ADAMTSL1: variants seen among roughly 807,000 people sequenced by gnomAD.
ADAMTSL1 encodes the protein ADAMTS like 1.
Under a neutral mutation model 201.8 loss-of-function variants are expected in ADAMTSL1, and 126 were observed. That is an observed-to-expected ratio of 0.62 (90% CI 0.54 to 0.72). ADAMTSL1 has a LOEUF of 0.72. ADAMTSL1 is among the 30% of genes least tolerant of loss of function. The pLI is 0.00. For synonymous variants in ADAMTSL1, 1,121 were observed against 903.4 expected (o/e 1.24, Z -4.32); for missense variants, 2,679 against 2,277.8 (o/e 1.18, Z -3.59).
At chr9:18,144,850 C>T (rs934033236) in intron 1 of ADAMTSL1, among the ~76,000 whole-genome samples, 5 of 152,142 alleles carry the variant, frequency 3.3e-5, no homozygotes, top group Non-Finnish European at 5.9e-5. Context: ...GGATAACACT[C>T]TGTTTCTAAA....
intron 1 of ADAMTSL1, among the ~76,000 whole-genome samples, chr9:18,040,174 T>G (rs1316691976): frequency 2.6e-5 from 4 of 152,196 alleles, no homozygotes; most frequent in African/African-American, 9.6e-5. Context: ...GGTGCATGTA[T>G]AGTAAGCAAC....
At chr9:18,180,532 C>CAAAA (rs71333030) in intron 2 of ADAMTSL1, among the ~76,000 whole-genome samples, 2 of 92,118 alleles carry the variant, frequency 2.2e-5, no homozygotes, top group Admixed American at 1.3e-4. Context: ...GACTCCGTGT[C>CAAAA]AAAAAAAAAA....
Position 18,159,523 on chromosome 9 carries a change from TCC to T in ADAMTSL1, c.88-4337_88-4336del, listed in dbSNP as rs543673570. Among the ~76,000 whole-genome samples, 16 of 152,158 alleles carry T rather than the reference TCC, an allele frequency of 1.1e-4. No homozygotes were observed. The East Asian group carries it at 2.9e-3, about 28-fold the overall frequency. On this transcript the variant is annotated intron_variant, in intron 1 of 29. Transcript: ENST00000680146. ...CGTGGAATTTCTATTCATAATCAGC[TCC>T]CATCATAAACATTACAATTTTTATA...
intron 2 of ADAMTSL1, among the ~76,000 whole-genome samples, chr9:18,410,881 C>A (rs1347794732): frequency 6.7e-6 from 1 of 148,178 alleles, no homozygotes; most frequent in Admixed American, 6.7e-5. Flanking sequence ...CTTGCTCTGT[C>A]ACCAGGCTGG....
At chr9:18,776,658 C>T (rs368220680) in intron 18 of ADAMTSL1, 123 bp from the exon 19 acceptor site, 3 of 1,160,120 alleles carry the variant, frequency 2.6e-6, no homozygotes, top group East Asian at 5.4e-5. Context: ...CCGGCACCTT[C>T]GTCTCTCCTT....
intron 20 of ADAMTSL1, among the ~76,000 whole-genome samples, chr9:18,802,129 A>G (rs112197668): frequency 6.6e-6 from 1 of 152,012 alleles, no homozygotes; most frequent in Non-Finnish European, 1.5e-5. Flanking sequence ...ATAAAAATCA[A>G]CACAGGTGTG....
chr9:18,323,886 T>C (rs1834724105), intron 2 of ADAMTSL1, among the ~76,000 whole-genome samples: 1 of 152,168 alleles, frequency 6.6e-6, no homozygotes, highest in Non-Finnish European at 1.5e-5. Context: ...TTCAAATTGT[T>C]AAAGATGCCA....
At position 18,887,762 on chromosome 9, in the gene ADAMTSL1, T is replaced by G. The variant is rs1359949971; in HGVS notation, c.4250-69T>G. 5.0e-6 allele frequency: 7 copies of G among 1,396,714 alleles called. No homozygotes were observed. In the Admixed American group the frequency reaches 1.3e-4, roughly 26 times the overall value. 86.5% of individuals were successfully genotyped at this position (1,396,714 alleles called of 1,614,324 possible). ...ACAATTTCTAGAGCCACACAGACAG[T>G]AAACCAGTGCACCAGCAATGTGTTC... On this transcript the variant is annotated intron_variant, in intron 23 of 28. Coordinates refer to ENST00000380548, the MANE Select transcript of ADAMTSL1 (RefSeq NM_001040272.6).
At chr9:18,175,621 C>T (rs973728376) in intron 2 of ADAMTSL1, among the ~76,000 whole-genome samples, 1 of 152,158 alleles carries the variant, frequency 6.6e-6, no homozygotes, top group Non-Finnish European at 1.5e-5. Flanking sequence ...AGTTCAGTGC[C>T]TTGCTCACAG....
chr9:18,200,694 C>T (rs971852469), intron 2 of ADAMTSL1, among the ~76,000 whole-genome samples: 19 of 151,856 alleles, frequency 1.3e-4, no homozygotes, highest in African/African-American at 4.4e-4. Context: ...TAATAGAGTA[C>T]TGATTCAGAG....
intron 1 of ADAMTSL1, among the ~76,000 whole-genome samples, chr9:17,974,339 A>G (rs1283867955): frequency 6.6e-6 from 1 of 152,086 alleles, no homozygotes; most frequent in Non-Finnish European, 1.5e-5. Context: ...TTGTATATCT[A>G]GAAAACCCAA....
chr9:18,619,830 C>T (rs187219775), intron 4 of ADAMTSL1, among the ~76,000 whole-genome samples: 2 of 152,208 alleles, frequency 1.3e-5, no homozygotes, highest in African/African-American at 2.4e-5. Context: ...AGTGGAAATT[C>T]CTGTGCCCAA....
intron 23 of ADAMTSL1, among the ~76,000 whole-genome samples, chr9:18,869,687 T>C (rs777658623): frequency 2.0e-5 from 3 of 152,240 alleles, no homozygotes; most frequent in Non-Finnish European, 4.4e-5. Flanking sequence ...TCAACCATCA[T>C]TCACATCATT....
chr9:18,721,332 G>A (rs534112161), intron 14 of ADAMTSL1, among the ~76,000 whole-genome samples: 3 of 152,140 alleles, frequency 2.0e-5, no homozygotes, highest in Non-Finnish European at 4.4e-5. Context: ...GCTCACAGAG[G>A]CAACAAGCTT....
In ADAMTSL1 at chr9:18,509,059, C is replaced by T; in HGVS notation, c.191+4103C>T. On this transcript the variant is annotated intron_variant, in intron 2 of 28. Coordinates refer to ENST00000380548, the MANE Select transcript of ADAMTSL1 (RefSeq NM_001040272.6). ...ATTAGCCGGGCGCGGTGGCGGGCGCCTGTAGTCCCAGCTACTCGGGAGGCT... is the reference window on the plus strand; with the variant it reads ...ATTAGCCGGGCGCGGTGGCGGGCGCTTGTAGTCCCAGCTACTCGGGAGGCT... Among the ~76,000 whole-genome samples, 2 of 131,280 alleles carry T rather than the reference C, an allele frequency of 1.5e-5. 1 individual carries two copies. The highest frequency in any genetic ancestry group is 6.7e-3 in the Middle Eastern group (2 of 298). The allele number at this position is 131,280 out of a possible 152,430, so 86.1% of individuals were successfully genotyped here. A position where few individuals can be genotyped will look rare whatever the true frequency, so the allele number is the denominator to read the frequency against.
At chr9:18,076,185 G>C (rs543843834) in intron 1 of ADAMTSL1, among the ~76,000 whole-genome samples, 1 of 152,148 alleles carries the variant, frequency 6.6e-6, no homozygotes, top group South Asian at 2.1e-4. Flanking sequence ...TCTTTTCTTT[G>C]TATGGATAGC....
In ADAMTSL1 at chr9:18,718,208, A is replaced by G. The variant is rs1833085486; in HGVS notation, c.1877-3328A>G. On this transcript the variant is annotated intron_variant, in intron 14 of 28. Coordinates refer to ENST00000380548, the MANE Select transcript of ADAMTSL1 (RefSeq NM_001040272.6). Reference sequence around the variant, plus strand: ...TACCAACAAGAATCATTGGAACATCATCAGTGTCTTTAACTCAAAGAATCT... The same window carrying G: ...TACCAACAAGAATCATTGGAACATCGTCAGTGTCTTTAACTCAAAGAATCT... 19 of 775,154 alleles carry G rather than the reference A, an allele frequency of 2.5e-5. No individual in the cohort carries two copies. The Middle Eastern group carries it at 6.8e-4, about 28-fold the overall frequency. The allele number at this position is 775,154 out of a possible 1,614,324, so 48.0% of individuals were successfully genotyped here. A position where few individuals can be genotyped will look rare whatever the true frequency, so the allele number is the denominator to read the frequency against.
At chr9:18,573,019 C>T (rs35568696) in intron 3 of ADAMTSL1, among the ~76,000 whole-genome samples, 39,504 of 152,068 alleles carry the variant, frequency 0.26, 5,885 homozygotes, top group Admixed American at 0.35. Flanking sequence ...ATCTTACCTG[C>T]TTTTACTGAG....
In ADAMTSL1 at chr9:18,892,673, T is replaced by TATCA; in HGVS notation, c.4851+78_4851+81dup. The TATCA allele has an allele frequency of 5.5e-6, 8 of 1,461,458 alleles. No homozygotes were observed. In the South Asian group the frequency reaches 1.0e-4, roughly 19 times the overall value. 90.5% of individuals were successfully genotyped at this position (1,461,458 alleles called of 1,614,324 possible). A position where few individuals can be genotyped will look rare whatever the true frequency, so the allele number is the denominator to read the frequency against. On this transcript the variant is annotated intron_variant, in intron 26 of 28. Transcript: ENST00000380548. Reference sequence around the variant, plus strand: ...CCTGCCACAGTAGGAAGTGAAATGCTATCACTGCCACTGCCACCTCCTCCT... The same window carrying TATCA: ...CCTGCCACAGTAGGAAGTGAAATGCTATCAATCACTGCCACTGCCACCTCCTCCT...
Sources: allele counts gnomAD v4.1 joint callset (sites outside exome capture counted in the v4.1 genomes callset), GRCh38; gene constraint gnomAD v4.1.1; transcripts MANE v1.5; gene names NCBI Gene and HGNC (gene_info 2026-07-23, HGNC 2026-07-21).